Variants in LPAR2 observed in about 807,000 individuals in gnomAD.
The protein encoded by LPAR2 is G protein-coupled receptor.
In LPAR2, 10 loss-of-function variants were observed where a neutral mutation model predicts 15.6. That is an observed-to-expected ratio of 0.64 (90% confidence interval 0.39 to 1.09). The LOEUF (loss-of-function observed/expected upper bound fraction) is 1.09, where lower values mean the gene tolerates loss of function less well. Ranked by LOEUF, LPAR2 falls within the 50% of genes least tolerant of loss-of-function variation. The pLI, the probability that LPAR2 is intolerant of heterozygous loss-of-function variation, is 0.01. For synonymous variants in LPAR2, 204 were observed against 207.4 expected, an observed-to-expected ratio of 0.98 and a Z score of 0.14; for missense variants, 413 against 484.6, an observed-to-expected ratio of 0.85 and a Z score of 1.39.
At chr19:19,624,655 A>G in intron 2 of LPAR2, 86 bp from the exon 3 acceptor site, 1 of 1,122,150 alleles carries the variant, frequency 8.9e-7, no homozygotes, top group South Asian at 1.5e-5. Flanking sequence ...AGTGGTCTCC[A>G]GAGCTCGAGC....
Position 19,626,655 on chromosome 19 carries a change from G to A in LPAR2, c.630C>T (p.Arg210=). ...CTCGCCGCCGCACGTAGAAGAAAAT[G>A]CGGGTGTACACAGCCACCATGAGCA... The change falls in exon 2 of 3, where the codon CGC becomes CGT. Residue 210 remains arginine (R), a synonymous_variant. Coordinates refer to ENST00000407877, the MANE Select transcript of LPAR2 (RefSeq NM_004720.7). The surrounding 1 kb of genome is among the most constrained non-coding windows in gnomAD (Gnocchi z 5.3). The A allele has an allele frequency of 6.2e-7, 1 of 1,613,502 alleles. No individual in the cohort carries two copies.
chr19:19,625,123 G>T (rs943881471), intron 2 of LPAR2, among the ~76,000 whole-genome samples: 9 of 151,838 alleles, frequency 5.9e-5, no homozygotes, highest in African/African-American at 2.2e-4. Flanking sequence ...CCTGGCCTGT[G>T]TGTTTTTTTT....
Position 19,626,736 on chromosome 19 carries a change from G to A in LPAR2, c.549C>T (p.Pro183=), listed in dbSNP as rs757260276. The A allele has an allele frequency of 6.2e-7, 1 of 1,613,376 alleles. No individual in the cohort carries two copies. The highest frequency in any genetic ancestry group is 8.5e-7 in the Non-Finnish European group (1 of 1,179,924). The change falls in exon 2 of 3, where the codon CCC becomes CCT. Residue 183 remains proline, a synonymous_variant. Coordinates refer to ENST00000407877, the MANE Select transcript of LPAR2 (RefSeq NM_004720.7). The surrounding 1 kb of genome is among the most constrained non-coding windows in gnomAD (Gnocchi z 5.3). ...CGGCCAAATAGGAGCGGCTGAGCAG[G>A]GGTGCCATGCGTGAGCAGCGGTCCA...
chr19:19,627,125 T>C lies in LPAR2; in HGVS notation c.160A>G (p.Ile54Val). 6.2e-7 allele frequency: 1 copy of C among 1,612,870 alleles called. No individual in the cohort carries two copies. Among genetic ancestry groups the C allele is most frequent in the Non-Finnish European group, 8.5e-7 (1 of 1,179,672 alleles). The stretch of plus-strand genomic sequence containing the variant: ...CGGCGGTTGGAGGCGATGGCTGCTA[T>C]GACCAGCAGATTGGTCAGCAGCACC... Residue 54 changes from isoleucine to valine, a missense_variant, in exon 2 of 3, where the codon ATA becomes GTA. Ile to Val is a conservative substitution (Grantham distance 29). Transcript: ENST00000407877. This position sits in a 1 kb window ranked among gnomAD's most constrained non-coding sequence, Gnocchi z 4.7.
intron 2 of LPAR2, 22 bp from the exon 3 acceptor site, chr19:19,624,591 G>A (rs758974408): frequency 1.9e-6 from 3 of 1,567,380 alleles, no homozygotes; most frequent in Non-Finnish European, 2.6e-6. Flanking sequence ...AGGCGGAAGT[G>A]AGCAGGGCAA....
rs747469571 is a variant in LPAR2 at position 19,626,879 on chromosome 19, C to T, written c.406G>A (p.Val136Met). Residue 136 changes from valine (V) to methionine (M), a missense_variant, in exon 2 of 3, where the codon GTG becomes ATG. Physicochemically the swap from Val to Met is conservative, Grantham distance 21 (BLOSUM62 1). Coordinates refer to ENST00000407877, the MANE Select transcript of LPAR2 (RefSeq NM_004720.7). The surrounding 1 kb of genome is among the most constrained non-coding windows in gnomAD (Gnocchi z 5.3). Reference sequence around the variant, plus strand: ...CGGGGCAGGCGGCTGTGCAGCTGCACGGCCATCACACTGCGGTGCCGCTCC... The same window carrying T: ...CGGGGCAGGCGGCTGTGCAGCTGCATGGCCATCACACTGCGGTGCCGCTCC... 3.4e-5 allele frequency: 55 copies of T among 1,595,802 alleles called. 1 individual carries two copies. Among genetic ancestry groups the T allele is most frequent in the Middle Eastern group, 3.3e-4 (2 of 6,048 alleles).
chr19:19,624,496 A>G lies in LPAR2; in HGVS notation c.816T>C (p.Asn272=). 1 of 1,614,102 alleles carries G rather than the reference A, an allele frequency of 6.2e-7. No individual in the cohort carries two copies. Among genetic ancestry groups the G allele is most frequent in the Non-Finnish European group, 8.5e-7 (1 of 1,180,032 alleles). The change falls in exon 3 of 3, where the codon AAT becomes AAC. Residue 272 remains asparagine, a synonymous_variant. Coordinates refer to ENST00000407877, the MANE Select transcript of LPAR2 (RefSeq NM_004720.7). ...GGAAGTACTTTTCTACAGCCAGGAC[A>G]TTGCAGGACTCACAGCCTAAACCAT...
chr19:19,625,453 A>G (rs1599392995), intron 2 of LPAR2, among the ~76,000 whole-genome samples: 1 of 151,980 alleles, frequency 6.6e-6, no homozygotes, highest in African/African-American at 2.4e-5. Flanking sequence ...AGGCAAGAGT[A>G]AGATCCTGTA....
At position 19,626,639 on chromosome 19, in the gene LPAR2, G is replaced by T. The variant is rs368960100; in HGVS notation, c.646C>A (p.Arg216=). ...TCTGCCATGCGCTGCACTCGCCGCC[G>T]CACGTAGAAGAAAATGCGGGTGTAC... Residue 216 remains arginine (R), a synonymous_variant, in exon 2 of 3, where the codon CGG becomes AGG. Coordinates refer to ENST00000407877, the MANE Select transcript of LPAR2 (RefSeq NM_004720.7). This position sits in a 1 kb window ranked among gnomAD's most constrained non-coding sequence, Gnocchi z 5.3. 2.5e-6 allele frequency: 4 copies of T among 1,613,258 alleles called. No homozygotes were observed. In the African/African-American group the frequency reaches 5.3e-5, roughly 22 times the overall value.
rs781704671 is a variant in LPAR2, at chr19:19,627,983, A to AG, written c.-1+108dup. ...GGCGTCTCCAGACTGGGGAAGGGGT[A>AG]GGGGGTTAAGGGATCAGAGGGCGGC... On this transcript the variant is annotated intron_variant, in intron 1 of 2. Transcript: ENST00000407877. This position sits in a 1 kb window ranked among gnomAD's most constrained non-coding sequence, Gnocchi z 4.7. 3 of 152,626 alleles carry AG rather than the reference A, an allele frequency of 2.0e-5. No homozygotes were observed. Among genetic ancestry groups the AG allele is most frequent in the Non-Finnish European group, 4.4e-5 (3 of 68,406 alleles). The allele number at this position is 152,626 out of a possible 1,614,324, so 9.5% of individuals were successfully genotyped here. A position where few individuals can be genotyped will look rare whatever the true frequency, so the allele number is the denominator to read the frequency against.
Position 19,626,583 on chromosome 19 carries a change from C to G in LPAR2, c.702G>C (p.Glu234Asp). 1 of 1,612,550 alleles carries G rather than the reference C, an allele frequency of 6.2e-7. No homozygotes were observed. Among genetic ancestry groups the G allele is most frequent in the African/African-American group, 1.3e-5 (1 of 75,058 alleles). The change falls in exon 2 of 3, where the codon GAG becomes GAC. Residue 234 changes from glutamate (E) to aspartate (D), a missense_variant. Glu to Asp is a conservative substitution (Grantham distance 45). Coordinates refer to ENST00000407877, the MANE Select transcript of LPAR2 (RefSeq NM_004720.7). This position sits in a 1 kb window ranked among gnomAD's most constrained non-coding sequence, Gnocchi z 5.3. Reference sequence around the variant, plus strand: ...CAGTCTTGACCAGGCTGAGCGTGGTCTCTCGGTAGCGGGGGTGGCAGCTGA... The same window carrying G: ...CAGTCTTGACCAGGCTGAGCGTGGTGTCTCGGTAGCGGGGGTGGCAGCTGA...
intron 2 of LPAR2, among the ~76,000 whole-genome samples, chr19:19,625,393 G>A (rs574748879): frequency 7.9e-5 from 12 of 152,206 alleles, no homozygotes; most frequent in South Asian, 2.1e-4. Flanking sequence ...ACCTGAGCCC[G>A]GAAGGTTGAG....
intron 2 of LPAR2, 57 bp from the exon 3 acceptor site, chr19:19,624,626 G>A: frequency 6.9e-7 from 1 of 1,458,606 alleles, no homozygotes; most frequent in Non-Finnish European, 9.4e-7. Flanking sequence ...GGCACCTACA[G>A]CTCTCAGTTT....
Position 19,624,381 on chromosome 19 carries a change from A to G in LPAR2, c.931T>C (p.Cys311Arg). The G allele has an allele frequency of 6.2e-7, 1 of 1,614,206 alleles. No homozygotes were observed. Among genetic ancestry groups the G allele is most frequent in the Admixed American group, 1.7e-5 (1 of 60,026 alleles). The change falls in exon 3 of 3, where the codon TGC becomes CGC. Residue 311 changes from cysteine (C) to arginine (R), a missense_variant. By Grantham distance (180) the Cys-to-Arg change is radical. Transcript: ENST00000407877. The stretch of plus-strand genomic sequence containing the variant: ...GTGGACTGGCGGAGGCACGCGCAGC[A>G]GAGAAGGCGGCGGAAGGTGCGGCGC...
chr19:19,626,455 G>A lies in LPAR2; in HGVS notation c.742+88C>T. On this transcript the variant is annotated intron_variant, in intron 2 of 2. Coordinates refer to ENST00000407877, the MANE Select transcript of LPAR2 (RefSeq NM_004720.7). The surrounding 1 kb of genome is among the most constrained non-coding windows in gnomAD (Gnocchi z 5.3). ...AATCATCCCCCATCACCCTCTATCA[G>A]GTAGCTTGTTTTGTTCATTGCTTCG... The A allele has an allele frequency of 3.4e-6, 5 of 1,472,436 alleles. No homozygotes were observed. Among genetic ancestry groups the A allele is most frequent in the South Asian group, 2.7e-5 (2 of 74,446 alleles). The allele number at this position is 1,472,436 out of a possible 1,614,324, so 91.2% of individuals were successfully genotyped here.
Position 19,627,773 on chromosome 19 carries a change from G to T in LPAR2, c.-1+319C>A. On this transcript the variant is annotated intron_variant, in intron 1 of 2. Transcript: ENST00000407877. This position sits in a 1 kb window ranked among gnomAD's most constrained non-coding sequence, Gnocchi z 4.7. The stretch of plus-strand genomic sequence containing the variant: ...ACTTGCTAGAACCCTGCGAGGGGGC[G>T]GTGCCGAGGCGTGGAGGTGATCGGA... 6.0e-6 allele frequency: 1 copy of T among 167,142 alleles called. No individual in the cohort carries two copies. The highest frequency in any genetic ancestry group is 1.5e-4 in the South Asian group (1 of 6,852). 10.4% of individuals were successfully genotyped at this position (167,142 alleles called of 1,614,324 possible).
At position 19,624,343 on chromosome 19, in the gene LPAR2, G is replaced by A; in HGVS notation, c.969C>T (p.Val323=). The A allele has an allele frequency of 6.2e-7, 1 of 1,614,250 alleles. No homozygotes were observed. Among genetic ancestry groups the A allele is most frequent in the Non-Finnish European group, 8.5e-7 (1 of 1,180,040 alleles). ...CTCCCTGGGCAGAGGATGTATAGTGGACAGACTCGCGGGTGGACTGGCGGA... is the reference window on the plus strand; with the variant it reads ...CTCCCTGGGCAGAGGATGTATAGTGAACAGACTCGCGGGTGGACTGGCGGA... Residue 323 remains valine, a synonymous_variant, in exon 3 of 3, where the codon GTC becomes GTT. Coordinates refer to ENST00000407877, the MANE Select transcript of LPAR2 (RefSeq NM_004720.7).
At position 19,627,822 on chromosome 19, in the gene LPAR2, A is replaced by G. The variant is rs115170832; in HGVS notation, c.-1+270T>C. On this transcript the variant is annotated intron_variant, in intron 1 of 2. Transcript: ENST00000407877. The surrounding 1 kb of genome is among the most constrained non-coding windows in gnomAD (Gnocchi z 4.7). ...GAGTGGACAGAGAGGCGGCCCCAGA[A>G]GTTAGTCGGCGGGATTTGGGCGCGA... 0.02 allele frequency: 3,070 copies of G among 156,850 alleles called. 113 individuals carry two copies. The highest frequency in any genetic ancestry group is 0.07 in the African/African-American group (2,888 of 41,518). The allele number at this position is 156,850 out of a possible 1,614,324, so 9.7% of individuals were successfully genotyped here. A position where few individuals can be genotyped will look rare whatever the true frequency, so the allele number is the denominator to read the frequency against.
Position 19,624,580 on chromosome 19 carries a change from G to C in LPAR2, c.743-11C>G, listed in dbSNP as rs895874214. ...AGACCACGAACGCCCCTGTGGGACA[G>C]AGGCGGAAGTGAGCAGGGCAAGCTG... On this transcript the variant is annotated splice_polypyrimidine_tract_variant and intron_variant, in intron 2 of 2. Transcript: ENST00000407877. 2 of 1,579,774 alleles carry C rather than the reference G, an allele frequency of 1.3e-6. No individual in the cohort carries two copies. The highest frequency in any genetic ancestry group is 1.7e-6 in the Non-Finnish European group (2 of 1,159,934).
Sources: allele counts gnomAD v4.1 joint callset (sites outside exome capture counted in the v4.1 genomes callset), GRCh38; gene constraint gnomAD v4.1.1; non-coding constraint Gnocchi (gnomAD v3.1); transcripts MANE v1.5; gene names NCBI Gene and HGNC (gene_info 2026-07-23, HGNC 2026-07-21).